IKZF1: variants seen among roughly 807,000 people sequenced by gnomAD.
IKZF1 encodes the protein DNA-binding protein Ikaros.
In IKZF1, 10 loss-of-function variants were observed where a neutral mutation model predicts 51.7. The ratio of observed to expected loss-of-function variants is 0.19; its 90% CI spans 0.12 to 0.33. The LOEUF is 0.33. IKZF1 is among the 10% of genes least tolerant of loss of function. The pLI is 1.00. For missense variants in IKZF1, 484 were observed against 707.5 expected (o/e 0.68, Z 3.58); for synonymous variants, 280 against 282.3 (o/e 0.99, Z 0.08).
chr7:50,326,155 A>G (rs368754876), intron 2 of IKZF1, among the ~76,000 whole-genome samples: 2 of 152,270 alleles, frequency 1.3e-5, no homozygotes, highest in East Asian at 3.8e-4. Flanking sequence ...TGGTCTTGCC[A>G]GTCGTCTGAA....
intron 1 of IKZF1, among the ~76,000 whole-genome samples, chr7:50,315,976 TC>T (rs547285458): frequency 6.6e-6 from 1 of 152,282 alleles, no homozygotes; most frequent in South Asian, 2.1e-4. Flanking sequence ...CACTTCAGGC[TC>T]CCCTTTGTAA....
In IKZF1 at chr7:50,367,958, C is replaced by G. The variant is rs1457679176; in HGVS notation, c.161-8575C>G. 3 of 636,026 alleles carry G rather than the reference C, an allele frequency of 4.7e-6. No individual in the cohort carries two copies. In the South Asian group the frequency reaches 5.5e-5, roughly 12 times the overall value. 39.4% of individuals were successfully genotyped at this position (636,026 alleles called of 1,614,324 possible). A position where few individuals can be genotyped will look rare whatever the true frequency, so the allele number is the denominator to read the frequency against. The stretch of plus-strand genomic sequence containing the variant: ...CTTTCTGTTAAACTCTGACTATACT[C>G]TCTCCTGGTATCACAACCCAGCTTT... On this transcript the variant is annotated intron_variant, in intron 3 of 7. Coordinates refer to ENST00000331340, the MANE Select transcript of IKZF1 (RefSeq NM_006060.6).
upstream of IKZF1, among the ~76,000 whole-genome samples, chr7:50,303,618 G>A (rs1170727676): frequency 2.6e-5 from 4 of 152,068 alleles, no homozygotes; most frequent in East Asian, 5.8e-4. This position sits in a 1 kb window ranked among gnomAD's most constrained non-coding sequence, Gnocchi z 4.7. Context: ...CACCCCCTCG[G>A]GTGGGCACTC....
intron 3 of IKZF1, among the ~76,000 whole-genome samples, chr7:50,374,196 A>G (rs1183248432): frequency 1.3e-5 from 2 of 152,224 alleles, no homozygotes; most frequent in Admixed American, 6.5e-5. Context: ...TCAGCCCTCC[A>G]TATCCATGGG....
At chr7:50,355,050 G>C (rs1320430654) in intron 3 of IKZF1, among the ~76,000 whole-genome samples, 1 of 152,064 alleles carries the variant, frequency 6.6e-6, no homozygotes, top group Non-Finnish European at 1.5e-5. Context: ...AGGGGGACAG[G>C]CCTGGGTCTT....
intron 3 of IKZF1, among the ~76,000 whole-genome samples, chr7:50,365,636 G>A (rs1806675471): frequency 1.3e-5 from 2 of 152,228 alleles, no homozygotes; most frequent in South Asian, 2.1e-4. Context: ...AAGAATGACA[G>A]TTGCTGGTGA....
intron 1 of IKZF1, among the ~76,000 whole-genome samples, chr7:50,307,892 G>C (rs1297044243): frequency 6.6e-6 from 1 of 152,130 alleles, no homozygotes; most frequent in African/African-American, 2.4e-5. Context: ...AAAGGATATC[G>C]ACAGTAACAA....
chr7:50,388,592 A>G (rs1814097074), intron 6 of IKZF1: 1 of 152,242 alleles, frequency 6.6e-6, no homozygotes, highest in African/African-American at 2.4e-5. Flanking sequence ...GTGAAATGGG[A>G]AGATACCATT....
chr7:50,325,839 G>A (rs1644642349), intron 2 of IKZF1, among the ~76,000 whole-genome samples: 1 of 152,072 alleles, frequency 6.6e-6, no homozygotes, highest in African/African-American at 2.4e-5. Flanking sequence ...CATTGCCAAG[G>A]CTTTAGCATA....
chr7:50,331,320 G>T (rs1796395678), intron 3 of IKZF1, among the ~76,000 whole-genome samples: 1 of 151,892 alleles, frequency 6.6e-6, no homozygotes. Context: ...GGAAGAATTT[G>T]TTAGAATAGG....
chr7:50,319,780 G>A (rs894065708), intron 2 of IKZF1, among the ~76,000 whole-genome samples: 5 of 152,154 alleles, frequency 3.3e-5, no homozygotes, highest in South Asian at 2.1e-4. Flanking sequence ...TGGGGTTTTC[G>A]GTATTTCATA....
At chr7:50,390,987 C>T (rs966247449) in intron 6 of IKZF1, among the ~76,000 whole-genome samples, 10 of 151,934 alleles carry the variant, frequency 6.6e-5, no homozygotes, top group Non-Finnish European at 8.8e-5. Context: ...GATAAATTGC[C>T]GGGAAATGAA....
intron 5 of IKZF1, among the ~76,000 whole-genome samples, chr7:50,386,221 C>T (rs992884100): frequency 8.5e-5 from 13 of 152,324 alleles, no homozygotes; most frequent in African/African-American, 3.1e-4. Flanking sequence ...CCTGGCTAGT[C>T]TTTCTTTTTC....
chr7:50,306,102 T>G (rs192543465), intron 1 of IKZF1, among the ~76,000 whole-genome samples: 1 of 152,364 alleles, frequency 6.6e-6, no homozygotes. Flanking sequence ...GGCTATGGCT[T>G]AAAATGTACA....
intron 3 of IKZF1, among the ~76,000 whole-genome samples, chr7:50,370,931 A>C (rs984030439): frequency 3.3e-5 from 5 of 152,204 alleles, no homozygotes; most frequent in African/African-American, 1.2e-4. Flanking sequence ...AAGCAGTTCC[A>C]GCTCCGAGTA....
rs1415030005 is a variant in IKZF1 at position 50,400,320 on chromosome 7, T to C, written c.1253T>C (p.Ile418Thr). The change falls in exon 8 of 8, where the codon ATC becomes ACC. Residue 418 changes from isoleucine to threonine, a missense_variant. Transcript: ENST00000331340. This position sits in a 1 kb window ranked among gnomAD's most constrained non-coding sequence, Gnocchi z 5.4. ...RSGLIYLTNH[I>T]APHARNGLSL... ...GGTCTCATCTACCTGACCAACCACA[T>C]CGCCCCGCACGCGCGCAACGGGCTG... The C allele has an allele frequency of 2.5e-6, 4 of 1,612,326 alleles. No individual in the cohort carries two copies. In the African/African-American group the frequency reaches 5.4e-5, roughly 22 times the overall value.
intron 1 of IKZF1, among the ~76,000 whole-genome samples, chr7:50,317,775 T>C (rs1331352482): frequency 6.6e-6 from 1 of 152,208 alleles, no homozygotes; most frequent in Non-Finnish European, 1.5e-5. Flanking sequence ...TAAAGATATA[T>C]GGAGTGATAG....
At chr7:50,369,611 A>G (rs1808054574) in intron 3 of IKZF1, 1 of 398,552 alleles carries the variant, frequency 2.5e-6, no homozygotes, top group Non-Finnish European at 4.4e-6. Flanking sequence ...TTCTGGGCCA[A>G]TATCACCACC....
intron 3 of IKZF1, among the ~76,000 whole-genome samples, chr7:50,334,099 G>A (rs988677385): frequency 3.9e-5 from 6 of 152,206 alleles, no homozygotes; most frequent in Non-Finnish European, 7.3e-5. Context: ...TTTTGGGTAG[G>A]ATTTTTATGT....
Sources: allele counts gnomAD v4.1 joint callset (sites outside exome capture counted in the v4.1 genomes callset), GRCh38; gene constraint gnomAD v4.1.1; non-coding constraint Gnocchi (gnomAD v3.1); transcripts MANE v1.5; gene names NCBI Gene and HGNC (gene_info 2026-07-23, HGNC 2026-07-21).